Variants in RANBP2 observed in about 807,000 individuals in gnomAD.
RANBP2 encodes RAN binding protein 2.
In RANBP2, 57 loss-of-function variants were observed where a neutral mutation model predicts 303.6. The ratio of observed to expected loss-of-function variants is 0.19; its 90% confidence interval spans 0.15 to 0.23. The LOEUF is 0.23. Among genes scored for constraint, RANBP2 ranks in the 10% least tolerant of loss-of-function variants. The probability of loss-of-function intolerance (pLI) is 1.00; values close to 1 mark genes in which losing one functional copy is unlikely to be tolerated. For missense variants in RANBP2, 3,138 were observed against 3,780.8 expected, an observed-to-expected ratio of 0.83 and a Z score of 4.46; for synonymous variants, 1,167 against 1,301.5, an observed-to-expected ratio of 0.90 and a Z score of 2.23.
chr2:109,264,576 C>T, the RANBP2 span, among the ~76,000 whole-genome samples: 2 of 152,206 alleles, frequency 1.3e-5, no homozygotes, highest in South Asian at 4.1e-4. Context: ...TCTCAAGGCA[C>T]GATTTAAAAC....
At chr2:109,419,544 C>G in the RANBP2 span, 1 of 1,594,188 alleles carries the variant, frequency 6.3e-7, no homozygotes, top group Non-Finnish European at 8.5e-7. Context: ...TCCAGGATGT[C>G]TCCTCCTCGG....
chr2:109,015,737 G>A, the RANBP2 span, among the ~76,000 whole-genome samples: 3 of 152,002 alleles, frequency 2.0e-5, no homozygotes, highest in Non-Finnish European at 2.9e-5. Flanking sequence ...CAGCTTGGGC[G>A]ACAGAGCAAG....
the RANBP2 span, among the ~76,000 whole-genome samples, chr2:109,458,033 T>C: frequency 6.6e-6 from 1 of 152,176 alleles, no homozygotes. Context: ...ATTTTGTTTT[T>C]TCAGGCACTC....
chr2:108,993,091 G>A, the RANBP2 span, among the ~76,000 whole-genome samples: 1 of 152,236 alleles, frequency 6.6e-6, no homozygotes, highest in African/African-American at 2.4e-5. Flanking sequence ...TAAAATATGA[G>A]AATGGAATTG....
At chr2:109,698,893 AGC>A in the RANBP2 span, among the ~76,000 whole-genome samples, 1 of 152,234 alleles carries the variant, frequency 6.6e-6, no homozygotes, top group African/African-American at 2.4e-5. Flanking sequence ...AGATTGCGCC[AGC>A]CTGGGCAACA....
At chr2:109,538,130 C>T in the RANBP2 span, among the ~76,000 whole-genome samples, 3 of 152,332 alleles carry the variant, frequency 2.0e-5, no homozygotes, top group Non-Finnish European at 2.9e-5. Flanking sequence ...GCTCCAGAGG[C>T]CACCTCCAGC....
At chr2:109,156,920 C>T in the RANBP2 span, among the ~76,000 whole-genome samples, 2 of 152,160 alleles carry the variant, frequency 1.3e-5, no homozygotes, top group Non-Finnish European at 2.9e-5. Flanking sequence ...GCTTTCTTTC[C>T]AGTTCAAATA....
the RANBP2 span, among the ~76,000 whole-genome samples, chr2:109,236,866 G>A: frequency 1.3e-5 from 2 of 152,164 alleles, no homozygotes; most frequent in Non-Finnish European, 2.9e-5. Flanking sequence ...GCTGTGAAAC[G>A]CTGCAGTGAC....
the RANBP2 span, among the ~76,000 whole-genome samples, chr2:108,889,380 T>A: frequency 2.6e-5 from 4 of 152,254 alleles, no homozygotes; most frequent in East Asian, 7.7e-4. Flanking sequence ...TAATGCTGAG[T>A]GGGAGAGATG....
At chr2:109,595,990 G>A in the RANBP2 span, among the ~76,000 whole-genome samples, 1 of 152,122 alleles carries the variant, frequency 6.6e-6, no homozygotes, top group Non-Finnish European at 1.5e-5. Flanking sequence ...AATTCACTGA[G>A]GCTATATTAT....
At chr2:109,402,271 C>T in the RANBP2 span, among the ~76,000 whole-genome samples, 2 of 152,360 alleles carry the variant, frequency 1.3e-5, no homozygotes, top group East Asian at 1.9e-4. Context: ...CCATGGCAGC[C>T]AAGGCGAGCC....
the RANBP2 span, chr2:108,929,179 C>G: frequency 1.2e-6 from 2 of 1,613,654 alleles, no homozygotes; most frequent in Non-Finnish European, 1.7e-6. Context: ...CAGGGTTTGC[C>G]AGGAGGGCCT....
the RANBP2 span, chr2:109,574,612 T>C: frequency 6.9e-6 from 11 of 1,597,864 alleles, no homozygotes; most frequent in Admixed American, 5.2e-5. Context: ...GGTTAAGAGA[T>C]CAAGTGTCTT....
At chr2:108,795,867 A>G in the RANBP2 span, among the ~76,000 whole-genome samples, 1 of 152,200 alleles carries the variant, frequency 6.6e-6, no homozygotes, top group Non-Finnish European at 1.5e-5. Flanking sequence ...TTTTAAGCAA[A>G]GGAATGTCAG....
chr2:109,465,668 C>A, the RANBP2 span, among the ~76,000 whole-genome samples: 2 of 152,182 alleles, frequency 1.3e-5, no homozygotes, highest in Admixed American at 6.5e-5. Flanking sequence ...TATGGTTCTG[C>A]AGGCTCTACA....
the RANBP2 span, among the ~76,000 whole-genome samples, chr2:109,361,507 T>G: frequency 1.3e-5 from 2 of 152,340 alleles, no homozygotes; most frequent in African/African-American, 4.8e-5. Context: ...GGAGTCTCGC[T>G]CTGTCACCCA....
the RANBP2 span, among the ~76,000 whole-genome samples, chr2:109,272,954 G>A: frequency 3.3e-5 from 5 of 152,124 alleles, no homozygotes; most frequent in Admixed American, 1.3e-4. Flanking sequence ...CAAAGGACCC[G>A]TATTTTTTCC....
the RANBP2 span, among the ~76,000 whole-genome samples, chr2:108,819,578 G>C: frequency 6.6e-6 from 1 of 152,188 alleles, no homozygotes; most frequent in Non-Finnish European, 1.5e-5. Context: ...ACAGCGATAA[G>C]TTGCTAGGGA....
the RANBP2 span, among the ~76,000 whole-genome samples, chr2:109,367,486 C>T: frequency 4.6e-5 from 7 of 151,010 alleles, no homozygotes; most frequent in Admixed American, 4.0e-4. Flanking sequence ...TTCACCATGT[C>T]GGCCAGGCTA....
Sources: gnomAD v4.1 joint callset for allele counts (sites outside exome capture counted in the v4.1 genomes callset) on GRCh38, gnomAD v4.1.1 for gene constraint, MANE v1.5 for transcripts, NCBI Gene and HGNC (gene_info 2026-07-23, HGNC 2026-07-21) for gene names.